Variants in PRKCE observed in about 807,000 individuals in gnomAD.
The protein encoded by PRKCE is protein kinase C epsilon.
In PRKCE, 16 loss-of-function variants were observed where a neutral mutation model predicts 85.4. That is an observed-to-expected ratio of 0.19 (90% CI 0.13 to 0.28). The LOEUF is 0.28. Among genes scored for constraint, PRKCE ranks in the 10% least tolerant of loss-of-function variants. The pLI is 1.00. For synonymous variants in PRKCE, 388 were observed against 371.5 expected (o/e 1.04, Z -0.51); for missense variants, 573 against 975.2 (o/e 0.59, Z 5.49).
At chr2:46,069,520 C>T (rs141346313) in intron 10 of PRKCE, among the ~76,000 whole-genome samples, 145 of 152,236 alleles carry the variant, frequency 9.5e-4, no homozygotes, top group African/African-American at 3.2e-3. Context: ...TTTAAAAAAT[C>T]AGTTTCCTGT....
intron 1 of PRKCE, among the ~76,000 whole-genome samples, chr2:45,677,353 T>TG (rs1676541897): frequency 7.3e-6 from 1 of 137,292 alleles, no homozygotes; most frequent in Non-Finnish European, 1.5e-5. Context: ...GTTGTTGTTG[T>TG]TTTTTTTTTT....
intron 1 of PRKCE, among the ~76,000 whole-genome samples, chr2:45,761,816 AC>A (rs1293027486): frequency 1.3e-5 from 2 of 151,876 alleles, no homozygotes; most frequent in African/African-American, 4.8e-5. Context: ...TCCCTGAGCC[AC>A]CCCGCTTTCT....
Position 46,007,552 on chromosome 2 carries a change from A to G in PRKCE, c.1154A>G (p.Gln385Arg). Reference protein sequence around the residue: ...EHRAASSPDGQLMSPGENGEV... With the variant: ...EHRAASSPDGRLMSPGENGEV... ...CGGGCAGCATCGTCTCCTGATGGCCAGCTGATGAGCCCCGGTGAGAATGGC... is the reference window on the plus strand; with the variant it reads ...CGGGCAGCATCGTCTCCTGATGGCCGGCTGATGAGCCCCGGTGAGAATGGC... The change falls in exon 9 of 15, where the codon CAG becomes CGG. Residue 385 changes from glutamine to arginine, a missense_variant. Physicochemically the swap from Gln to Arg is conservative, Grantham distance 43. Coordinates refer to ENST00000306156, the MANE Select transcript of PRKCE (RefSeq NM_005400.3). The G allele has an allele frequency of 3.8e-6, 6 of 1,599,814 alleles. No individual in the cohort carries two copies. The highest frequency in any genetic ancestry group is 5.1e-6 in the Non-Finnish European group (6 of 1,179,970).
chr2:46,128,501 G>A (rs1173408336), intron 11 of PRKCE, among the ~76,000 whole-genome samples: 4 of 152,212 alleles, frequency 2.6e-5, no homozygotes. Context: ...GTGAGACTAA[G>A]ACATTGTATT....
chr2:46,051,996 C>T (rs996028864), intron 10 of PRKCE, among the ~76,000 whole-genome samples: 1 of 152,130 alleles, frequency 6.6e-6, no homozygotes, highest in Non-Finnish European at 1.5e-5. Context: ...ATCCAGTCCC[C>T]TCCCACCTGG....
intron 2 of PRKCE, among the ~76,000 whole-genome samples, chr2:45,944,364 TAGTA>T (rs1382788070): frequency 6.5e-4 from 99 of 152,340 alleles, no homozygotes; most frequent in African/African-American, 2.4e-3. Flanking sequence ...TGAGCCAGTA[TAGTA>T]TCTAAGGCAC....
intron 1 of PRKCE, among the ~76,000 whole-genome samples, chr2:45,717,734 T>G (rs1558591070): frequency 6.6e-6 from 1 of 152,250 alleles, no homozygotes; most frequent in East Asian, 1.9e-4. Flanking sequence ...TGAGGGTCCC[T>G]TACCCACTGG....
rs765926094 is a variant in PRKCE at position 45,980,399 on chromosome 2, G to A, written c.693+18G>A. ...CCGACCAGGTAAGTGTTGGTGACAC[G>A]GAAATTCTGGGCTTCTTCACCGCCA... On this transcript the variant is annotated intron_variant, in intron 5 of 14. Transcript: ENST00000306156. 1.1e-5 allele frequency: 18 copies of A among 1,597,994 alleles called. No homozygotes were observed. In the African/African-American group the frequency reaches 1.3e-4, roughly 12 times the overall value.
In PRKCE at chr2:45,812,018, T is replaced by A. The variant is rs75802726; in HGVS notation, c.349-30982T>A. 8.9e-3 allele frequency among the ~76,000 whole-genome samples: 1,360 copies of A among 152,268 alleles called. 34 individuals carry two copies. Among genetic ancestry groups the A allele is most frequent in the East Asian group, 0.086 (448 of 5,180 alleles). The stretch of plus-strand genomic sequence containing the variant: ...GGAATACTCTTGGCACTGTCTGTAG[T>A]CATCTCTTCTTAAGTGGGAAGAAGA... On this transcript the variant is annotated intron_variant, in intron 1 of 14. Coordinates refer to ENST00000306156, the MANE Select transcript of PRKCE (RefSeq NM_005400.3).
intron 11 of PRKCE, among the ~76,000 whole-genome samples, chr2:46,096,198 G>C (rs534875404): frequency 6.6e-6 from 1 of 152,232 alleles, no homozygotes; most frequent in Non-Finnish European, 1.5e-5. Context: ...TAATTAAACT[G>C]TTTGAAATGC....
At position 45,757,871 on chromosome 2, in the gene PRKCE, G is replaced by C. The variant is rs141843363; in HGVS notation, c.349-85129G>C. The stretch of plus-strand genomic sequence containing the variant: ...ACTGTCAAAACTGAATGTACATAAG[G>C]CAGGTCTTGACGGAGGTTGATGCTG... On this transcript the variant is annotated intron_variant, in intron 1 of 14. Transcript: ENST00000306156. Among the ~76,000 whole-genome samples the C allele has an allele frequency of 3.9e-5, 6 of 152,252 alleles. No individual in the cohort carries two copies. The East Asian group carries it at 1.2e-3, about 29-fold the overall frequency.
At chr2:46,013,050 T>C (rs1166481797) in intron 10 of PRKCE, among the ~76,000 whole-genome samples, 1 of 152,218 alleles carries the variant, frequency 6.6e-6, no homozygotes, top group African/African-American at 2.4e-5. Context: ...CACCTCAGTT[T>C]CATAGAATAC....
intron 10 of PRKCE, among the ~76,000 whole-genome samples, chr2:46,060,531 G>C (rs1265410423): frequency 6.6e-6 from 1 of 152,130 alleles, no homozygotes; most frequent in East Asian, 1.9e-4. Flanking sequence ...GACCAGAGAA[G>C]GAAAACAGTA....
chr2:45,828,532 A>G (rs1037538287), intron 1 of PRKCE, among the ~76,000 whole-genome samples: 1 of 152,254 alleles, frequency 6.6e-6, no homozygotes, highest in Non-Finnish European at 1.5e-5. Context: ...TGCTATAATT[A>G]TTTGACCAGG....
In PRKCE at chr2:45,786,614, G is replaced by A. The variant is rs73926090; in HGVS notation, c.349-56386G>A. Among the ~76,000 whole-genome samples, 5,325 of 152,284 alleles carry A rather than the reference G, an allele frequency of 0.035. 189 individuals are homozygous for A. Among genetic ancestry groups the A allele is most frequent in the East Asian group, 0.12 (617 of 5,174 alleles). ...GACCTTGGCACTGGAGGTTCAACTG[G>A]GAAGACAGAGTATTTTGTATGAGAT... On this transcript the variant is annotated intron_variant, in intron 1 of 14. Coordinates refer to ENST00000306156, the MANE Select transcript of PRKCE (RefSeq NM_005400.3). This position sits in a 1 kb window ranked among gnomAD's most constrained non-coding sequence, Gnocchi z 5.3.
At chr2:46,165,461 G>A (rs1259408766) in intron 14 of PRKCE, among the ~76,000 whole-genome samples, 1 of 152,194 alleles carries the variant, frequency 6.6e-6, no homozygotes, top group Admixed American at 6.5e-5. Flanking sequence ...GAGGGGTTGG[G>A]GAGACAGGAA....
chr2:46,147,439 A>C (rs1326305855), intron 12 of PRKCE, among the ~76,000 whole-genome samples: 1 of 152,234 alleles, frequency 6.6e-6, no homozygotes, highest in African/African-American at 2.4e-5. Flanking sequence ...CCCAAGACAG[A>C]ACATTCACTT....
intron 1 of PRKCE, among the ~76,000 whole-genome samples, chr2:45,682,495 T>G (rs942706097): frequency 2.0e-5 from 3 of 152,066 alleles, no homozygotes; most frequent in Non-Finnish European, 2.9e-5. Context: ...GGCACGATCT[T>G]GGCTGACTCC....
intron 11 of PRKCE, among the ~76,000 whole-genome samples, chr2:46,129,361 A>C (rs1169385892): frequency 2.0e-5 from 3 of 152,198 alleles, no homozygotes; most frequent in Non-Finnish European, 4.4e-5. Flanking sequence ...AAAAGAAACA[A>C]GGGCATGGAC....
Sources: allele counts gnomAD v4.1 joint callset (sites outside exome capture counted in the v4.1 genomes callset), GRCh38; gene constraint gnomAD v4.1.1; non-coding constraint Gnocchi (gnomAD v3.1); transcripts MANE v1.5; gene names NCBI Gene and HGNC (gene_info 2026-07-23, HGNC 2026-07-21).